STPG2: variants seen among roughly 807,000 people sequenced by gnomAD.
The protein encoded by STPG2 is sperm tail PG-rich repeat containing 2.
A neutral mutation model predicts 54.2 loss-of-function variants in STPG2; 56 were observed. The ratio of observed to expected loss-of-function variants is 1.03; its 90% CI spans 0.83 to 1.29. The LOEUF is 1.29. Among genes scored for constraint, STPG2 ranks in the 50% most tolerant of loss-of-function variants. The pLI is 0.00. For synonymous variants in STPG2, 200 were observed against 181.8 expected, an observed-to-expected ratio of 1.10 and a Z score of -0.81; for missense variants, 596 against 544.9, an observed-to-expected ratio of 1.09 and a Z score of -0.93.
chr4:97,941,307 A>G (rs1193503821), intron 8 of STPG2, among the ~76,000 whole-genome samples: 3 of 152,066 alleles, frequency 2.0e-5, no homozygotes, highest in Non-Finnish European at 4.4e-5. Context: ...GTATTTTTAT[A>G]TTTATCCTCC....
intron 5 of STPG2, among the ~76,000 whole-genome samples, chr4:98,045,725 T>C (rs944954907): frequency 3.3e-5 from 5 of 152,278 alleles, no homozygotes; most frequent in Admixed American, 3.3e-4. Context: ...TATTTATCTA[T>C]TTTAATAAAT....
chr4:97,455,355 C>T (rs1378998565), intron 4 of STPG2, among the ~76,000 whole-genome samples: 1 of 152,082 alleles, frequency 6.6e-6, no homozygotes, highest in Admixed American at 6.6e-5. Context: ...CCCTGGCCCA[C>T]CATGCCTCCA....
chr4:97,660,609 T>C (rs1722350645), intron 10 of STPG2, among the ~76,000 whole-genome samples: 1 of 152,218 alleles, frequency 6.6e-6, no homozygotes, highest in South Asian at 2.1e-4. Flanking sequence ...TCTAGGATTT[T>C]TGCTATAATC....
intron 4 of STPG2, among the ~76,000 whole-genome samples, chr4:98,107,308 GA>G (rs1739216177): frequency 6.6e-6 from 1 of 151,110 alleles, no homozygotes; most frequent in Non-Finnish European, 1.5e-5. Context: ...GTCTAAGAAA[GA>G]AAAAAACAAG....
At chr4:97,466,962 A>G (rs1422141049) in intron 4 of STPG2, among the ~76,000 whole-genome samples, 2 of 152,066 alleles carry the variant, frequency 1.3e-5, no homozygotes, top group African/African-American at 4.8e-5. Flanking sequence ...CCAAGCTACT[A>G]TAGTCAAAAC....
chr4:97,445,212 T>C (rs1023366958), intron 4 of STPG2, among the ~76,000 whole-genome samples: 1 of 152,218 alleles, frequency 6.6e-6, no homozygotes, highest in African/African-American at 2.4e-5. Context: ...ATAAAGATTA[T>C]AAGTAAAGTC....
chr4:97,857,732 A>G (rs1729379940), intron 8 of STPG2, among the ~76,000 whole-genome samples: 1 of 152,130 alleles, frequency 6.6e-6, no homozygotes, highest in Non-Finnish European at 1.5e-5. Flanking sequence ...ACAGAGATAT[A>G]TGACCTTTCA....
chr4:97,740,600 C>T (rs573246681), intron 9 of STPG2, among the ~76,000 whole-genome samples: 1 of 152,096 alleles, frequency 6.6e-6, no homozygotes. Flanking sequence ...CATGAATGAA[C>T]TCCCATTCAC....
At chr4:97,639,233 A>C (rs1045323335) in intron 10 of STPG2, among the ~76,000 whole-genome samples, 9 of 151,924 alleles carry the variant, frequency 5.9e-5, no homozygotes, top group Non-Finnish European at 1.0e-4. Flanking sequence ...TTCTCAGTAA[A>C]CTATCGCAAG....
chr4:97,546,862 A>T (rs1731844431), intron 4 of STPG2, among the ~76,000 whole-genome samples: 1 of 152,182 alleles, frequency 6.6e-6, no homozygotes, highest in Non-Finnish European at 1.5e-5. Flanking sequence ...CATCAAGCCA[A>T]CTTCACTGGC....
Position 97,691,853 on chromosome 4 carries a change from C to T in STPG2, c.1320+20846G>A, listed in dbSNP as rs143336469. 3.9e-3 allele frequency among the ~76,000 whole-genome samples: 594 copies of T among 152,168 alleles called. 3 individuals are homozygous for T. Among genetic ancestry groups the T allele is most frequent in the African/African-American group, 0.014 (562 of 41,514 alleles). ...TATCCATGGCTGACAGACGTGAAGA[C>T]GAATCATATCACAAGACTCTTTGCA... On this transcript the variant is annotated intron_variant, in intron 10 of 10. Transcript: ENST00000295268.
intron 5 of STPG2, among the ~76,000 whole-genome samples, chr4:98,076,112 C>T (rs184567622): frequency 1.1e-3 from 162 of 151,946 alleles, no homozygotes; most frequent in Non-Finnish European, 1.5e-3. Context: ...GGCGTGGTGG[C>T]GGGCGCCTGT....
At chr4:97,552,342 A>G (rs1321307321) in intron 4 of STPG2, among the ~76,000 whole-genome samples, 1 of 152,228 alleles carries the variant, frequency 6.6e-6, no homozygotes, top group South Asian at 2.1e-4. Context: ...AAGTGCCAAA[A>G]AAGTGTTTAT....
intron 10 of STPG2, among the ~76,000 whole-genome samples, chr4:97,595,718 T>A (rs1417012442): frequency 9.2e-5 from 14 of 152,112 alleles, no homozygotes; most frequent in Admixed American, 9.2e-4. Context: ...AAGCAAATGC[T>A]AAGGGAATTT....
chr4:97,605,158 G>A (rs533522538), intron 10 of STPG2, among the ~76,000 whole-genome samples: 165 of 150,714 alleles, frequency 1.1e-3, no homozygotes, highest in Non-Finnish European at 1.5e-3. Context: ...AAAAAGAAAC[G>A]ACATTCAGCT....
Position 97,454,515 on chromosome 4 carries a change from G to A in STPG2, c.462+258184C>T, listed in dbSNP as rs1480468072. Among the ~76,000 whole-genome samples the A allele has an allele frequency of 1.6e-4, 11 of 70,710 alleles. No individual in the cohort carries two copies. In the Admixed American group the frequency reaches 1.7e-3, roughly 11 times the overall value. 46.4% of individuals were successfully genotyped at this position (70,710 alleles called of 152,430 possible). ...GGCCTGGGCGACAGAGCGAGACTCC[G>A]TCTCAAAAAAAAAAAAAAAAAAAAA... On this transcript the variant is annotated intron_variant, in intron 4 of 4. Coordinates refer to the STPG2 transcript ENST00000522676.
chr4:97,578,264 C>G (rs1048190232), intron 10 of STPG2, among the ~76,000 whole-genome samples: 1 of 151,876 alleles, frequency 6.6e-6, no homozygotes, highest in Non-Finnish European at 1.5e-5. Flanking sequence ...GCCACCACTC[C>G]CAGCTAAATT....
chr4:97,547,829 C>G (rs1227191089), intron 4 of STPG2, among the ~76,000 whole-genome samples: 1 of 152,076 alleles, frequency 6.6e-6, no homozygotes, highest in Non-Finnish European at 1.5e-5. Flanking sequence ...GAAGGGAGCT[C>G]TATTGAACAT....
intron 7 of STPG2, among the ~76,000 whole-genome samples, chr4:97,970,337 A>C (rs528863129): frequency 1.1e-4 from 17 of 152,336 alleles, no homozygotes; most frequent in Middle Eastern, 3.4e-3. Flanking sequence ...ACCAAAAAAG[A>C]GCCTGCATTG....
Sources: allele counts gnomAD v4.1 joint callset (sites outside exome capture counted in the v4.1 genomes callset), GRCh38; gene constraint gnomAD v4.1.1; transcripts MANE v1.5; gene names NCBI Gene and HGNC (gene_info 2026-07-23, HGNC 2026-07-21).